RIMS2: variants seen among roughly 807,000 people sequenced by gnomAD.
The protein encoded by RIMS2 is regulating synaptic membrane exocytosis protein 2.
In RIMS2, 59 loss-of-function variants were observed where a neutral mutation model predicts 174.4. The ratio of observed to expected loss-of-function variants is 0.34; its 90% CI spans 0.27 to 0.42. RIMS2 has a LOEUF of 0.42. Ranked by LOEUF, RIMS2 falls within the 10% of genes least tolerant of loss-of-function variation. RIMS2 has a pLI of 1.00. For missense variants in RIMS2, 1,620 were observed against 1,666.3 expected (o/e 0.97, Z 0.48); for synonymous variants, 606 against 572.5 (o/e 1.06, Z -0.84).
chr8:103,966,108 T>A (rs2154546533), intron 15 of RIMS2, among the ~76,000 whole-genome samples: 1 of 152,280 alleles, frequency 6.6e-6, no homozygotes. Flanking sequence ...TTAATGTCTT[T>A]GTCTGGTTTT....
intron 1 of RIMS2, among the ~76,000 whole-genome samples, chr8:103,600,754 T>C (rs1013897784): frequency 3.9e-5 from 6 of 152,152 alleles, no homozygotes; most frequent in Non-Finnish European, 7.4e-5. Flanking sequence ...ACATTTTAGT[T>C]TTTTTGAGGA....
At chr8:103,586,739 G>T (rs2093942404) in intron 1 of RIMS2, among the ~76,000 whole-genome samples, 1 of 151,760 alleles carries the variant, frequency 6.6e-6, no homozygotes, top group African/African-American at 2.4e-5. Flanking sequence ...AAAGAATAAA[G>T]ATCAGAGTAG....
chr8:103,954,802 A>T (rs2086619147), intron 14 of RIMS2, among the ~76,000 whole-genome samples: 1 of 152,178 alleles, frequency 6.6e-6, no homozygotes, highest in Admixed American at 6.5e-5. Flanking sequence ...CAAAAAAATC[A>T]ACAAATCCAG....
At chr8:103,592,893 A>T (rs1410269769) in intron 1 of RIMS2, among the ~76,000 whole-genome samples, 1 of 151,386 alleles carries the variant, frequency 6.6e-6, no homozygotes, top group Admixed American at 6.6e-5. Flanking sequence ...GTGTGATGAA[A>T]TGGGAAGTAC....
At chr8:103,673,898 T>A (rs2096776476) in intron 1 of RIMS2, among the ~76,000 whole-genome samples, 1 of 152,232 alleles carries the variant, frequency 6.6e-6, no homozygotes, top group African/African-American at 2.4e-5. Context: ...AATGTAATTG[T>A]TGACTTTAGA....
exon 23 of RIMS2, chr8:104,251,137 G>C (rs2099357840): frequency 1.9e-6 from 3 of 1,612,764 alleles, no homozygotes; most frequent in East Asian, 2.2e-5. Context: ...ATCTTTCGAA[G>C]AGAGTCCACA....
intron 15 of RIMS2, among the ~76,000 whole-genome samples, chr8:103,967,181 T>G (rs1174086043): frequency 1.6e-5 from 2 of 126,830 alleles, no homozygotes; most frequent in African/African-American, 3.2e-5. Context: ...TTTTTTTTTT[T>G]TTTTTTTTTT....
chr8:103,887,257 A>G (rs2099209024), intron 4 of RIMS2, among the ~76,000 whole-genome samples: 1 of 151,622 alleles, frequency 6.6e-6, no homozygotes, highest in South Asian at 2.1e-4. Context: ...TTCTCTGGGT[A>G]TTAGTTTTTC....
chr8:103,964,280 A>G (rs1328908125), intron 15 of RIMS2, among the ~76,000 whole-genome samples: 1 of 152,178 alleles, frequency 6.6e-6, no homozygotes, highest in Non-Finnish European at 1.5e-5. Flanking sequence ...CCAGCAATGA[A>G]TGAGAGTTCC....
At chr8:103,754,375 C>A (rs967393927) in intron 2 of RIMS2, among the ~76,000 whole-genome samples, 1 of 152,018 alleles carries the variant, frequency 6.6e-6, no homozygotes, top group Non-Finnish European at 1.5e-5. Flanking sequence ...AGAATAAGTG[C>A]GTTGTGGTGC....
chr8:104,193,770 T>G (rs1480597069), intron 19 of RIMS2, among the ~76,000 whole-genome samples: 1 of 152,230 alleles, frequency 6.6e-6, no homozygotes, highest in Non-Finnish European at 1.5e-5. Flanking sequence ...TTCACACAAG[T>G]CAATCTTTCA....
At chr8:103,752,358 C>G (rs376969913) in intron 2 of RIMS2, among the ~76,000 whole-genome samples, 6 of 152,160 alleles carry the variant, frequency 3.9e-5, no homozygotes, top group South Asian at 2.1e-4. Context: ...CTGTAGCCTT[C>G]TAGTATAGTT....
intron 1 of RIMS2, among the ~76,000 whole-genome samples, chr8:103,588,380 T>C (rs984197082): frequency 3.3e-5 from 5 of 151,818 alleles, no homozygotes; most frequent in African/African-American, 4.8e-5. Flanking sequence ...AAAATACCAA[T>C]GGCATTCTTC....
intron 14 of RIMS2, among the ~76,000 whole-genome samples, chr8:103,950,983 T>C (rs1312445382): frequency 1.3e-5 from 2 of 152,048 alleles, no homozygotes; most frequent in African/African-American, 4.8e-5. Context: ...CAATTGAAAA[T>C]TGAAAAATAC....
chr8:104,079,892 G>A lies in RIMS2; in HGVS notation c.3334+65277G>A, dbSNP rs144901740. Among the ~76,000 whole-genome samples the A allele has an allele frequency of 2.3e-4, 35 of 151,750 alleles. No individual in the cohort carries two copies. The East Asian group carries it at 6.2e-3, about 27-fold the overall frequency. ...TTAATTTTAGTGAATGAACGTGGAC[G>A]TGGATGCTGAGAGAAGTAGGATAGG... On this transcript the variant is annotated intron_variant, in intron 19 of 23. Coordinates refer to ENST00000504942, the Ensembl canonical transcript of RIMS2.
chr8:103,810,569 T>C (rs1157685437), intron 3 of RIMS2, among the ~76,000 whole-genome samples: 3 of 147,858 alleles, frequency 2.0e-5, no homozygotes, highest in Non-Finnish European at 4.5e-5. Flanking sequence ...TTTTCTTCAG[T>C]ATTGAACCTA....
intron 1 of RIMS2, among the ~76,000 whole-genome samples, chr8:103,582,860 C>T (rs564213907): frequency 6.6e-6 from 1 of 152,308 alleles, no homozygotes; most frequent in Non-Finnish European, 1.5e-5. Context: ...GCCTGGGGGA[C>T]CTCCCTGCCC....
chr8:103,584,640 A>G (rs975564833), intron 1 of RIMS2, among the ~76,000 whole-genome samples: 21 of 152,210 alleles, frequency 1.4e-4, no homozygotes, highest in Non-Finnish European at 2.4e-4. Flanking sequence ...TTGTTTGTTT[A>G]TGCAAATAGT....
At chr8:104,022,963 G>A (rs2096144870) in intron 19 of RIMS2, among the ~76,000 whole-genome samples, 1 of 152,032 alleles carries the variant, frequency 6.6e-6, no homozygotes, top group Admixed American at 6.6e-5. Flanking sequence ...GGTTTAACTT[G>A]GCTTAATATT....
Sources: allele counts gnomAD v4.1 joint callset (sites outside exome capture counted in the v4.1 genomes callset), GRCh38; gene constraint gnomAD v4.1.1; transcripts MANE v1.5; gene names NCBI Gene and HGNC (gene_info 2026-07-23, HGNC 2026-07-21).